The following HSD11B1L variants were observed in gnomAD, a reference collection of about 807,000 sequenced individuals.
The protein encoded by HSD11B1L is hydroxysteroid 11-beta-dehydrogenase 1-like protein.
In HSD11B1L, 22 loss-of-function variants were observed where a neutral mutation model predicts 27.0. That is an observed-to-expected ratio of 0.81 (90% CI 0.58 to 1.16). The LOEUF is 1.16. Among genes scored for constraint, HSD11B1L ranks in the 50% most tolerant of loss-of-function variants. The pLI is 0.00. For missense variants in HSD11B1L, 372 were observed against 401.8 expected (o/e 0.93, Z 0.63); for synonymous variants, 187 against 189.2 (o/e 0.99, Z 0.09).
rs2054717400 is a variant in HSD11B1L, at chr19:5,687,113, C to T, written c.408+122C>T. 3 of 1,125,828 alleles carry T rather than the reference C, an allele frequency of 2.7e-6. No homozygotes were observed. The highest frequency in any genetic ancestry group is 3.8e-6 in the Non-Finnish European group (3 of 790,398). 69.7% of individuals were successfully genotyped at this position (1,125,828 alleles called of 1,614,324 possible). ...CTCTCCACCCGTCCCGCCCCAGCCA[C>T]GCCCCTCCTAGCCCAAGCCCCTGCT... is the stretch of plus-strand genomic sequence containing the variant. On this transcript the variant is annotated intron_variant, in intron 5 of 7. Transcript: ENST00000339423. This position sits in a 1 kb window ranked among gnomAD's most constrained non-coding sequence, Gnocchi z 6.6.
chr19:5,684,010 C>A, intron 1 of HSD11B1L: 1 of 458,264 alleles, frequency 2.2e-6, no homozygotes, highest in South Asian at 4.5e-5. Flanking sequence ...GAGTTTCGCT[C>A]TTGTTGCCTA....
Position 5,684,800 on chromosome 19 carries a change from G to T in HSD11B1L, c.-14-19G>T, listed in dbSNP as rs775592702. ...GGCCAGGCCTGTGCCGGCCACCTCTGTCCCCTGTCCCTCTGCAGGCCCACA... is the reference window on the plus strand; with the variant it reads ...GGCCAGGCCTGTGCCGGCCACCTCTTTCCCCTGTCCCTCTGCAGGCCCACA... On this transcript the variant is annotated intron_variant, in intron 1 of 7. Transcript: ENST00000339423. 6.2e-7 allele frequency: 1 copy of T among 1,613,242 alleles called. No individual in the cohort carries two copies. Among genetic ancestry groups the T allele is most frequent in the Non-Finnish European group, 8.5e-7 (1 of 1,179,892 alleles).
intron 1 of HSD11B1L, among the ~76,000 whole-genome samples, chr19:5,681,980 G>A (rs2054565479): frequency 6.6e-6 from 1 of 152,262 alleles, no homozygotes. Flanking sequence ...GGAGCTTCAT[G>A]GGCTGTCCCT....
intron 1 of HSD11B1L, among the ~76,000 whole-genome samples, chr19:5,682,299 T>C (rs1416718375): frequency 6.6e-6 from 1 of 151,840 alleles, no homozygotes; most frequent in East Asian, 1.9e-4. Flanking sequence ...AGTATGGACA[T>C]GGGGAAGCCA....
chr19:5,684,992 G>C lies in HSD11B1L; in HGVS notation c.77G>C (p.Ser26Thr). 1 of 1,608,336 alleles carries C rather than the reference G, an allele frequency of 6.2e-7. No homozygotes were observed. The highest frequency in any genetic ancestry group is 8.5e-7 in the Non-Finnish European group (1 of 1,177,468). ...YYWDDNFDPA[S>T]LQGARVLLTG... ...TGACCACCCCGGCTATGGCCAGCCA[G>C]CCTCCAGGGAGCGCGAGTGCTGCTG... is the stretch of plus-strand genomic sequence containing the variant. The change falls in exon 3 of 8, where the codon AGC becomes ACC. Residue 26 changes from serine (S) to threonine (T), a missense_variant. Coordinates refer to ENST00000339423, the MANE Select transcript of HSD11B1L (RefSeq NM_198706.3).
chr19:5,687,810 C>T lies in HSD11B1L; in HGVS notation c.726C>T (p.Arg242=). ...PGPKAALAVI[R]GGATRAAGVF... The stretch of plus-strand genomic sequence containing the variant: ...CCAAGGCAGCCCTGGCCGTGATCCG[C>T]GGCGGCGCCACGCGCGCGGCCGGCG... The change falls in exon 8 of 8, where the codon CGC becomes CGT. Residue 242 remains arginine, a synonymous_variant. Coordinates refer to ENST00000339423, the MANE Select transcript of HSD11B1L (RefSeq NM_198706.3). This position sits in a 1 kb window ranked among gnomAD's most constrained non-coding sequence, Gnocchi z 6.6. 3 of 1,528,640 alleles carry T rather than the reference C, an allele frequency of 2.0e-6. No individual in the cohort carries two copies. Among genetic ancestry groups the T allele is most frequent in the Non-Finnish European group, 2.6e-6 (3 of 1,141,198 alleles). 94.7% of individuals were successfully genotyped at this position (1,528,640 alleles called of 1,614,324 possible).
At chr19:5,683,899 T>TA (rs950240124) in intron 1 of HSD11B1L, 152 of 257,020 alleles carry the variant, frequency 5.9e-4, no homozygotes, top group East Asian at 7.9e-4. Flanking sequence ...GCCTCAAAAA[T>TA]AAAAAAAAAT....
rs2054578782 is a variant in HSD11B1L, at chr19:5,682,386, G to GGGTCTAGGAGGGAGGTGAC, written c.-15+1116_-15+1134dup. ...GATGGGGGTGGTCAGGCCCGGGGTA[G>GGGTCTAGGAGGGAGGTGAC]GGTCTAGGAGGGAGGTGACAATCTG... On this transcript the variant is annotated intron_variant, in intron 1 of 7. Transcript: ENST00000339423. Among the ~76,000 whole-genome samples, 3 of 152,146 alleles carry GGGTCTAGGAGGGAGGTGAC rather than the reference G, an allele frequency of 2.0e-5. No individual in the cohort carries two copies. The South Asian group carries it at 6.2e-4, about 31-fold the overall frequency.
chr19:5,687,175 T>C lies in HSD11B1L; in HGVS notation c.409-107T>C. On this transcript the variant is annotated intron_variant, in intron 5 of 7. Transcript: ENST00000339423. The surrounding 1 kb of genome is among the most constrained non-coding windows in gnomAD (Gnocchi z 6.6). ...CCCGCCCTCGGACCCGCCTTCCGGG[T>C]TTCTGGCCCCGTCTCTGACCCGGCC... The C allele has an allele frequency of 3.1e-6, 4 of 1,301,420 alleles. No homozygotes were observed. In the South Asian group the frequency reaches 5.3e-5, roughly 17 times the overall value. 80.6% of individuals were successfully genotyped at this position (1,301,420 alleles called of 1,614,324 possible). A position where few individuals can be genotyped will look rare whatever the true frequency, so the allele number is the denominator to read the frequency against.
intron 1 of HSD11B1L, among the ~76,000 whole-genome samples, chr19:5,683,280 G>A (rs755381500): frequency 6.7e-6 from 1 of 150,072 alleles, no homozygotes; most frequent in African/African-American, 2.5e-5. Flanking sequence ...TAGTGAATCA[G>A]CTCCCATAGC....
rs1159710139 is a variant in HSD11B1L at position 5,687,703 on chromosome 19, G to T, written c.668+35G>T. On this transcript the variant is annotated intron_variant, in intron 7 of 7. Coordinates refer to ENST00000339423, the MANE Select transcript of HSD11B1L (RefSeq NM_198706.3). The surrounding 1 kb of genome is among the most constrained non-coding windows in gnomAD (Gnocchi z 6.6). ...GGACAAGCTGGGGGCTGGGCTGGGG[G>T]CCATGGCCCAGCCCCAGCCGCAGTC... The T allele has an allele frequency of 1.3e-6, 2 of 1,533,322 alleles. No individual in the cohort carries two copies. Among genetic ancestry groups the T allele is most frequent in the African/African-American group, 1.4e-5 (1 of 72,012 alleles). The allele number at this position is 1,533,322 out of a possible 1,614,324, so 95.0% of individuals were successfully genotyped here.
rs557250916 is a variant in HSD11B1L, at chr19:5,687,832, G to T, written c.748G>T (p.Gly250Cys). Residue 250 changes from glycine (G) to cysteine (C), a missense_variant, in exon 8 of 8, where the codon GGC becomes TGC. Physicochemically the swap from Gly to Cys is radical, Grantham distance 159. Transcript: ENST00000339423. The surrounding 1 kb of genome is among the most constrained non-coding windows in gnomAD (Gnocchi z 6.6). ...VIRGGATRAA[G>C]VFYPWRFRLL... ...CCGCGGCGGCGCCACGCGCGCGGCC[G>T]GCGTCTTCTACCCGTGGCGTTTCCG... The T allele has an allele frequency of 1.9e-6, 3 of 1,558,720 alleles. No homozygotes were observed. Among genetic ancestry groups the T allele is most frequent in the African/African-American group, 1.4e-5 (1 of 73,532 alleles).
rs1206174007 is a variant in HSD11B1L at position 5,687,028 on chromosome 19, A to C, written c.408+37A>C. ...CTCCGCGGCCCCGGCCCGCCCCTCT[A>C]TCTCAGGGACCGGTGGTCCGTTCCC... On this transcript the variant is annotated intron_variant, in intron 5 of 7. Transcript: ENST00000339423. This position sits in a 1 kb window ranked among gnomAD's most constrained non-coding sequence, Gnocchi z 6.6. 3.0e-5 allele frequency: 45 copies of C among 1,491,762 alleles called. No individual in the cohort carries two copies. Among genetic ancestry groups the C allele is most frequent in the Non-Finnish European group, 3.8e-5 (42 of 1,103,374 alleles). 92.4% of individuals were successfully genotyped at this position (1,491,762 alleles called of 1,614,324 possible). A position where few individuals can be genotyped will look rare whatever the true frequency, so the allele number is the denominator to read the frequency against.
In HSD11B1L at chr19:5,687,040, G is replaced by A. The variant is rs1391516800; in HGVS notation, c.408+49G>A. On this transcript the variant is annotated intron_variant, in intron 5 of 7. Transcript: ENST00000339423. This position sits in a 1 kb window ranked among gnomAD's most constrained non-coding sequence, Gnocchi z 6.6. Reference sequence around the variant, plus strand: ...GGCCCGCCCCTCTATCTCAGGGACCGGTGGTCCGTTCCCTTCGCGGTCCGG... The same window carrying A: ...GGCCCGCCCCTCTATCTCAGGGACCAGTGGTCCGTTCCCTTCGCGGTCCGG... 2.1e-6 allele frequency: 3 copies of A among 1,459,328 alleles called. No individual in the cohort carries two copies. Among genetic ancestry groups the A allele is most frequent in the East Asian group, 2.5e-5 (1 of 40,364 alleles). The allele number at this position is 1,459,328 out of a possible 1,614,324, so 90.4% of individuals were successfully genotyped here. A position where few individuals can be genotyped will look rare whatever the true frequency, so the allele number is the denominator to read the frequency against.
At position 5,686,310 on chromosome 19, in the gene HSD11B1L, TA is replaced by T. The variant is rs1277539398; in HGVS notation, c.205-105del. ...GTTGAATGGGTCCCGAGGCTCAGAGTAGGGGGGGGTTTTCAGGCGGGGGCCT... is the reference window on the plus strand; with the variant it reads ...GTTGAATGGGTCCCGAGGCTCAGAGTGGGGGGGGTTTTCAGGCGGGGGCCT... On this transcript the variant is annotated intron_variant, in intron 3 of 7. Transcript: ENST00000339423. 9 of 716,846 alleles carry T rather than the reference TA, an allele frequency of 1.3e-5. No individual in the cohort carries two copies. The East Asian group carries it at 2.0e-4, about 16-fold the overall frequency. The allele number at this position is 716,846 out of a possible 1,614,324, so 44.4% of individuals were successfully genotyped here. A position where few individuals can be genotyped will look rare whatever the true frequency, so the allele number is the denominator to read the frequency against.
At chr19:5,686,840 C>T in intron 4 of HSD11B1L, 60 bp from the exon 5 acceptor site, 1 of 1,372,128 alleles carries the variant, frequency 7.3e-7, no homozygotes. Context: ...AGCTCGGGGG[C>T]GGGGTTTGAT....
At position 5,687,528 on chromosome 19, in the gene HSD11B1L, T is replaced by TTG; in HGVS notation, c.528_529insTG (p.Pro177CysfsTer26). On this transcript the variant is annotated frameshift_variant, in exon 7 of 8. Transcript: ENST00000339423. LOFTEE classifies it high-confidence loss of function. The surrounding 1 kb of genome is among the most constrained non-coding windows in gnomAD (Gnocchi z 6.6). ...GCCGCGTGCCCACGTCGTTCTCCAC[T>TTG]CCCTACTCGGCGGCCAAGTTTGCGC... 6.3e-7 allele frequency: 1 copy of TTG among 1,599,492 alleles called. No homozygotes were observed. Among genetic ancestry groups the TTG allele is most frequent in the South Asian group, 1.1e-5 (1 of 90,956 alleles).
chr19:5,681,380 C>T lies in HSD11B1L; in HGVS notation c.-15+109C>T, dbSNP rs191588166. ...GGGGCCGATGCGTTCTGCAGGGCTT[C>T]CCCCCATTTCTCCCGCATTTCGGCC... On this transcript the variant is annotated intron_variant, in intron 1 of 7. Transcript: ENST00000339423. The T allele has an allele frequency of 4.9e-3, 745 of 152,430 alleles. 8 individuals are homozygous for T. The highest frequency in any genetic ancestry group is 3.9e-3 in the Admixed American group (59 of 15,306). 9.4% of individuals were successfully genotyped at this position (152,430 alleles called of 1,614,324 possible). A position where few individuals can be genotyped will look rare whatever the true frequency, so the allele number is the denominator to read the frequency against.
At chr19:5,684,947 G>A in intron 2 of HSD11B1L, 42 bp downstream of exon 2, 1 of 1,612,962 alleles carries the variant, frequency 6.2e-7, no homozygotes, top group South Asian at 1.1e-5. Flanking sequence ...CGGGCCAGCT[G>A]TCCTGTCCTC....
Sources: gnomAD v4.1 joint callset for allele counts (sites outside exome capture counted in the v4.1 genomes callset) on GRCh38, gnomAD v4.1.1 for gene constraint, Gnocchi (gnomAD v3.1) non-coding constraint, MANE v1.5 for transcripts, NCBI Gene and HGNC (gene_info 2026-07-23, HGNC 2026-07-21) for gene names.